Variants in NELL1 observed in about 807,000 individuals in gnomAD.
NELL1 encodes neural EGFL like 1.
A neutral mutation model predicts 107.4 loss-of-function variants in NELL1; 76 were observed. That is an observed-to-expected ratio of 0.71 (90% confidence interval 0.59 to 0.86). The LOEUF is 0.86. Among genes scored for constraint, NELL1 ranks in the 40% least tolerant of loss-of-function variants. The pLI, the probability that NELL1 is intolerant of heterozygous loss-of-function variation, is 0.00. For synonymous variants in NELL1, 353 were observed against 341.2 expected (o/e 1.03, Z -0.38); for missense variants, 1,024 against 1,005.5 (o/e 1.02, Z -0.25).
chr11:21,141,926 G>A (rs1231938478), intron 13 of NELL1, among the ~76,000 whole-genome samples: 2 of 151,978 alleles, frequency 1.3e-5, no homozygotes, highest in East Asian at 1.9e-4. Flanking sequence ...ACCATGCTCA[G>A]CTAATTTTGG....
intron 1 of NELL1, among the ~76,000 whole-genome samples, chr11:20,676,538 C>T (rs1854061900): frequency 6.6e-6 from 1 of 152,198 alleles, no homozygotes; most frequent in Non-Finnish European, 1.5e-5. Flanking sequence ...CTGATAGAAA[C>T]TGAGAAGGCA....
chr11:21,021,628 G>C (rs1011505942), intron 12 of NELL1, among the ~76,000 whole-genome samples: 2 of 152,060 alleles, frequency 1.3e-5, no homozygotes, highest in African/African-American at 4.8e-5. Context: ...ATTGCATTAT[G>C]TACATGGTAC....
chr11:20,795,799 A>G (rs548089354), intron 3 of NELL1, among the ~76,000 whole-genome samples: 39 of 152,142 alleles, frequency 2.6e-4, no homozygotes, highest in Non-Finnish European at 5.1e-4. Context: ...TTTAAACAAA[A>G]TTTTTGTTTT....
At chr11:20,961,242 T>G (rs1242775869) in intron 12 of NELL1, among the ~76,000 whole-genome samples, 1 of 152,154 alleles carries the variant, frequency 6.6e-6, no homozygotes, top group Non-Finnish European at 1.5e-5. Context: ...TGGTGAGCAT[T>G]GCATATATCT....
intron 14 of NELL1, among the ~76,000 whole-genome samples, chr11:21,259,572 G>A (rs1858853266): frequency 6.6e-6 from 1 of 151,842 alleles, no homozygotes; most frequent in Admixed American, 6.6e-5. Context: ...GACAGACTGG[G>A]GTCGGTAGCC....
chr11:20,905,543 A>T (rs925180987), intron 5 of NELL1, among the ~76,000 whole-genome samples: 2 of 152,132 alleles, frequency 1.3e-5, no homozygotes, highest in Non-Finnish European at 2.9e-5. Flanking sequence ...ATAAGTCACG[A>T]AAATGATGTA....
chr11:21,121,184 G>A (rs1242850417), intron 13 of NELL1, among the ~76,000 whole-genome samples: 1 of 152,158 alleles, frequency 6.6e-6, no homozygotes, highest in Non-Finnish European at 1.5e-5. Flanking sequence ...GAGGGTTGGA[G>A]TATGGAGAGA....
At chr11:21,219,173 T>C (rs553718941) in intron 13 of NELL1, among the ~76,000 whole-genome samples, 1 of 152,286 alleles carries the variant, frequency 6.6e-6, no homozygotes, top group South Asian at 2.1e-4. Context: ...ATAGGCCATT[T>C]TAACTGGGGT....
intron 13 of NELL1, among the ~76,000 whole-genome samples, chr11:21,195,819 C>T (rs1265884760): frequency 6.6e-6 from 1 of 152,166 alleles, no homozygotes; most frequent in Non-Finnish European, 1.5e-5. Flanking sequence ...CTGGACAATA[C>T]AGCTCTAGGT....
At chr11:21,024,532 T>A (rs1364256010) in intron 12 of NELL1, among the ~76,000 whole-genome samples, 1 of 152,110 alleles carries the variant, frequency 6.6e-6, no homozygotes, top group East Asian at 1.9e-4. Flanking sequence ...GTAATATCTA[T>A]CTTAAAGGAT....
At chr11:20,758,081 C>T (rs560660584) in intron 2 of NELL1, among the ~76,000 whole-genome samples, 17 of 152,286 alleles carry the variant, frequency 1.1e-4, no homozygotes, top group East Asian at 3.9e-4. Context: ...TCCATCACGA[C>T]GGCTTTGTCT....
intron 2 of NELL1, among the ~76,000 whole-genome samples, chr11:20,707,587 C>A (rs1314657846): frequency 6.6e-6 from 1 of 152,210 alleles, no homozygotes; most frequent in East Asian, 1.9e-4. Context: ...TTCCTTCTAA[C>A]AGTCAGGACC....
rs1206444803 is a variant in NELL1, at chr11:21,140,928, G to A, written c.1426+27214G>A. Among the ~76,000 whole-genome samples the A allele has an allele frequency of 9.2e-5, 14 of 152,144 alleles. 1 individual carries two copies. Among genetic ancestry groups the A allele is most frequent in the Admixed American group, 7.9e-4 (12 of 15,272 alleles). On this transcript the variant is annotated intron_variant, in intron 13 of 19. Transcript: ENST00000357134. The stretch of plus-strand genomic sequence containing the variant: ...CTGGTTGAGTTTTTTTCCAAATTAT[G>A]TGTCAGAATTATCTTGGTTATTGAC...
chr11:21,282,204 T>C (rs1849012289), intron 14 of NELL1, among the ~76,000 whole-genome samples: 1 of 152,110 alleles, frequency 6.6e-6, no homozygotes, highest in Non-Finnish European at 1.5e-5. Context: ...GAATAGACGT[T>C]TCTCAAAAGA....
intron 12 of NELL1, among the ~76,000 whole-genome samples, chr11:20,984,222 AT>A (rs1309871594): frequency 6.6e-6 from 1 of 152,160 alleles, no homozygotes; most frequent in African/African-American, 2.4e-5. Flanking sequence ...CCCCATGAAC[AT>A]TGTATCTCTA....
intron 14 of NELL1, among the ~76,000 whole-genome samples, chr11:21,304,627 G>A (rs1326225848): frequency 2.6e-5 from 4 of 151,330 alleles, no homozygotes; most frequent in Admixed American, 1.3e-4. Flanking sequence ...ACATTTCTAT[G>A]GTAATTTAGA....
chr11:21,489,093 A>G (rs1248501756), intron 15 of NELL1, among the ~76,000 whole-genome samples: 3 of 151,988 alleles, frequency 2.0e-5, no homozygotes, highest in South Asian at 4.1e-4. Context: ...ATGAAAAAGG[A>G]GACTTTACAA....
At chr11:21,523,950 C>G (rs1855789005) in intron 15 of NELL1, among the ~76,000 whole-genome samples, 1 of 151,594 alleles carries the variant, frequency 6.6e-6, no homozygotes, top group Non-Finnish European at 1.5e-5. Flanking sequence ...TGCATTTGTT[C>G]CTGTTTGTTT....
intron 12 of NELL1, among the ~76,000 whole-genome samples, chr11:21,099,202 C>A (rs1302726612): frequency 8.2e-6 from 1 of 121,618 alleles, no homozygotes; most frequent in African/African-American, 4.2e-5. Flanking sequence ...AACACACACA[C>A]ACACACACAC....
Sources: gnomAD v4.1 joint callset for allele counts (sites outside exome capture counted in the v4.1 genomes callset) on GRCh38, gnomAD v4.1.1 for gene constraint, MANE v1.5 for transcripts, NCBI Gene and HGNC (gene_info 2026-07-23, HGNC 2026-07-21) for gene names.